OSBPL5: variants seen among roughly 807,000 people sequenced by gnomAD.
OSBPL5 encodes oxysterol binding protein like 5, also known as oxysterol-binding protein-related protein 5.
A neutral mutation model predicts 111.2 loss-of-function variants in OSBPL5; 71 were observed. The observed-to-expected ratio is 0.64, with a 90% CI of 0.53 to 0.78. The LOEUF (loss-of-function observed/expected upper bound fraction) is 0.78, where lower values mean the gene tolerates loss of function less well. OSBPL5 is among the 30% of genes least tolerant of loss of function. The pLI is 0.00. For missense variants in OSBPL5, 1,210 were observed against 1,189.3 expected, an observed-to-expected ratio of 1.02 and a Z score of -0.26; for synonymous variants, 549 against 513.9, an observed-to-expected ratio of 1.07 and a Z score of -0.93.
chr11:3,100,341 T>G (rs779373912), intron 13 of OSBPL5, 85 bp from the exon 14 acceptor site: 2 of 1,195,118 alleles, frequency 1.7e-6, no homozygotes, highest in African/African-American at 3.0e-5. Flanking sequence ...GGGTCTGAGC[T>G]CCTTCCAACA....
intron 1 of OSBPL5, among the ~76,000 whole-genome samples, chr11:3,143,349 G>A (rs1016139946): frequency 1.3e-5 from 2 of 152,144 alleles, no homozygotes; most frequent in Admixed American, 6.5e-5. Context: ...GAAAACGCAC[G>A]GACGCGACAC....
rs778682792 is a variant in OSBPL5 at position 3,138,547 on chromosome 11, A to G, written c.-21-9378T>C. 9.9e-5 allele frequency among the ~76,000 whole-genome samples: 15 copies of G among 152,228 alleles called. 1 individual carries two copies. Among genetic ancestry groups the G allele is most frequent in the Admixed American group, 2.0e-4 (3 of 15,286 alleles). On this transcript the variant is annotated intron_variant, in intron 1 of 21. Coordinates refer to ENST00000263650, the MANE Select transcript of OSBPL5 (RefSeq NM_020896.4). ...CGCCACGCTGAGCCTCAGCATTCAC[A>G]CTGGAAATAAGACATGAACCTGGGC... is the stretch of plus-strand genomic sequence containing the variant.
intron 1 of OSBPL5, among the ~76,000 whole-genome samples, chr11:3,158,268 G>A (rs561547541): frequency 2.0e-5 from 3 of 152,374 alleles, no homozygotes; most frequent in South Asian, 2.1e-4. Context: ...CAGGAGCTGG[G>A]CCCAAAGTGG....
chr11:3,094,183 C>T, intron 15 of OSBPL5, 54 bp downstream of exon 15: 1 of 1,549,228 alleles, frequency 6.5e-7, no homozygotes, highest in Non-Finnish European at 8.8e-7. Context: ...GGGGGATCCC[C>T]AAGGCTTCGT....
rs1858789352 is a variant in OSBPL5, at chr11:3,130,543, G to A, written c.-21-1374C>T. Among the ~76,000 whole-genome samples, 1 of 152,218 alleles carries A rather than the reference G, an allele frequency of 6.6e-6. No homozygotes were observed. ...CTGTGCCCCCAGTCCTGAAGTCAGA[G>A]TGGGGAGGGGCTCCAAGGATGCAGC... On this transcript the variant is annotated intron_variant, in intron 1 of 21. Coordinates refer to ENST00000263650, the MANE Select transcript of OSBPL5 (RefSeq NM_020896.4). The surrounding 1 kb of genome is among the most constrained non-coding windows in gnomAD (Gnocchi z 4.5).
At chr11:3,153,017 G>C (rs1015830149) in intron 1 of OSBPL5, among the ~76,000 whole-genome samples, 1 of 152,104 alleles carries the variant, frequency 6.6e-6, no homozygotes, top group African/African-American at 2.4e-5. Flanking sequence ...CCAACAAGGA[G>C]AAGAGGAGGA....
chr11:3,132,322 G>A (rs1362014359), intron 1 of OSBPL5, among the ~76,000 whole-genome samples: 2 of 152,040 alleles, frequency 1.3e-5, no homozygotes, highest in East Asian at 1.9e-4. Flanking sequence ...CGCTCAGACA[G>A]GGTGGGCGGC....
intron 10 of OSBPL5, among the ~76,000 whole-genome samples, chr11:3,103,742 GCAACCCTC>G (rs1194744688): frequency 9.6e-5 from 5 of 52,046 alleles, no homozygotes; most frequent in South Asian, 1.5e-3. Context: ...TCCTGCCTCT[GCAACCCTC>G]TTCCAGCTCT....
chr11:3,127,174 G>C (rs954983741), intron 2 of OSBPL5, among the ~76,000 whole-genome samples: 4 of 152,268 alleles, frequency 2.6e-5, no homozygotes, highest in African/African-American at 9.6e-5. Flanking sequence ...GGAGGAAGGA[G>C]GGGATGGCTG....
In OSBPL5 at chr11:3,107,499, G is replaced by T. The variant is rs964282706; in HGVS notation, c.867-44C>A. 1 of 1,598,614 alleles carries T rather than the reference G, an allele frequency of 6.3e-7. No homozygotes were observed. The highest frequency in any genetic ancestry group is 1.3e-5 in the African/African-American group (1 of 74,450). On this transcript the variant is annotated intron_variant, in intron 8 of 21. Transcript: ENST00000263650. This position sits in a 1 kb window ranked among gnomAD's most constrained non-coding sequence, Gnocchi z 6.1. ...CAGTGGGTCCCTGTCACAGGTGAGA[G>T]CCCAGCACAGCCCTCTGGGCTGCCC...
At chr11:3,127,510 TCA>T (rs950715920) in intron 2 of OSBPL5, among the ~76,000 whole-genome samples, 7 of 152,142 alleles carry the variant, frequency 4.6e-5, no homozygotes, top group African/African-American at 1.7e-4. Context: ...CCGTGGCCAC[TCA>T]CAGTCACAGA....
At chr11:3,131,656 T>C (rs1414110909) in intron 1 of OSBPL5, among the ~76,000 whole-genome samples, 1 of 130,028 alleles carries the variant, frequency 7.7e-6, no homozygotes, top group African/African-American at 3.0e-5. Flanking sequence ...TCCATCCATC[T>C]ACTGTCCTCC....
chr11:3,090,610 A>G lies in OSBPL5; in HGVS notation c.2346T>C (p.Pro782=). The G allele has an allele frequency of 1.9e-6, 3 of 1,613,120 alleles. No individual in the cohort carries two copies. The highest frequency in any genetic ancestry group is 1.1e-5 in the South Asian group (1 of 91,068). Residue 782 remains proline, a synonymous_variant, in exon 20 of 22, where the codon CCT becomes CCC. Coordinates refer to ENST00000263650, the MANE Select transcript of OSBPL5 (RefSeq NM_020896.4). ...SQATESSGST[P]ESCPELSDEE... Reference sequence around the variant, plus strand: ...CGTCTGAGAGCTCTGGGCAGGACTCAGGCGTGGATCCGCTGCTCTCCGTGG... The same window carrying G: ...CGTCTGAGAGCTCTGGGCAGGACTCGGGCGTGGATCCGCTGCTCTCCGTGG...
At chr11:3,120,761 C>T (rs1425806868) in intron 5 of OSBPL5, 137 bp from the exon 6 acceptor site, 2 of 878,290 alleles carry the variant, frequency 2.3e-6, no homozygotes, top group African/African-American at 3.3e-5. Flanking sequence ...CTCCCCCACA[C>T]CAGTTCGGAA....
At position 3,142,865 on chromosome 11, in the gene OSBPL5, C is replaced by T. The variant is rs1051613439; in HGVS notation, c.-21-13696G>A. ...CCTTGCACACAAGGAAACAGTGAGACCAGAGGAAAAGGACAAAACCAGTCA... is the reference window on the plus strand; with the variant it reads ...CCTTGCACACAAGGAAACAGTGAGATCAGAGGAAAAGGACAAAACCAGTCA... On this transcript the variant is annotated intron_variant, in intron 1 of 21. Transcript: ENST00000263650. This position sits in a 1 kb window ranked among gnomAD's most constrained non-coding sequence, Gnocchi z 7.1. Among the ~76,000 whole-genome samples the T allele has an allele frequency of 5.3e-5, 8 of 151,708 alleles. No homozygotes were observed. Among genetic ancestry groups the T allele is most frequent in the African/African-American group, 1.7e-4 (7 of 41,246 alleles).
At position 3,115,873 on chromosome 11, in the gene OSBPL5, C is replaced by CTTTTTTTTTT. The variant is rs369499437; in HGVS notation, c.691+3664_691+3673dup. On this transcript the variant is annotated intron_variant, in intron 7 of 21. Transcript: ENST00000263650. ...TGTCTCAAAGAATGAAGGCTTTTGC[C>CTTTTTTTTTT]TTTTTTTTTTTTTTAAATCCTTGAG... is the stretch of plus-strand genomic sequence containing the variant. 2.8e-5 allele frequency among the ~76,000 whole-genome samples: 4 copies of CTTTTTTTTTT among 143,992 alleles called. 1 individual carries two copies. Among genetic ancestry groups the CTTTTTTTTTT allele is most frequent in the South Asian group, 2.2e-4 (1 of 4,602 alleles). 94.5% of individuals were successfully genotyped at this position (143,992 alleles called of 152,430 possible). A position where few individuals can be genotyped will look rare whatever the true frequency, so the allele number is the denominator to read the frequency against.
chr11:3,158,302 G>A (rs1846842594), intron 1 of OSBPL5, among the ~76,000 whole-genome samples: 1 of 152,266 alleles, frequency 6.6e-6, no homozygotes, highest in Non-Finnish European at 1.5e-5. Flanking sequence ...GCGCTGGAGT[G>A]GGCGAGGGTT....
intron 1 of OSBPL5, among the ~76,000 whole-genome samples, chr11:3,135,848 G>A (rs1845934962): frequency 6.6e-6 from 1 of 152,208 alleles, no homozygotes; most frequent in South Asian, 2.1e-4. Flanking sequence ...GCCCTGCTGA[G>A]TTTCCTGGGC....
intron 3 of OSBPL5, among the ~76,000 whole-genome samples, chr11:3,125,393 A>T (rs1427203114): frequency 1.3e-5 from 2 of 152,190 alleles, no homozygotes; most frequent in Non-Finnish European, 2.9e-5. Flanking sequence ...TGGAATAGAC[A>T]TTTCTCCAAA....
Sources: allele counts gnomAD v4.1 joint callset (sites outside exome capture counted in the v4.1 genomes callset), GRCh38; gene constraint gnomAD v4.1.1; non-coding constraint Gnocchi (gnomAD v3.1); transcripts MANE v1.5; gene names NCBI Gene and HGNC (gene_info 2026-07-23, HGNC 2026-07-21).